The following ABCD3 variants were observed in gnomAD, a reference collection of about 807,000 sequenced individuals.
ABCD3 encodes the protein ATP binding cassette subfamily D member 3, also known as ATP-binding cassette sub-family D member 3.
A neutral mutation model predicts 105.5 loss-of-function variants in ABCD3; 41 were observed. The ratio of observed to expected loss-of-function variants is 0.39; its 90% CI spans 0.30 to 0.50. The LOEUF (loss-of-function observed/expected upper bound fraction) is 0.50. Ranked by LOEUF, ABCD3 falls within the 20% of genes least tolerant of loss-of-function variation. The pLI is 0.84. For missense variants in ABCD3, 622 were observed against 806.3 expected (o/e 0.77, Z 2.77); for synonymous variants, 258 against 269.0 (o/e 0.96, Z 0.40).
chr1:94,468,720 C>A (rs1648286455), intron 4 of ABCD3, among the ~76,000 whole-genome samples: 1 of 152,062 alleles, frequency 6.6e-6, no homozygotes, highest in African/African-American at 2.4e-5. Context: ...TCTAAAATAA[C>A]TTTTTGAATG....
rs542332088 is a variant in ABCD3, at chr1:94,474,329, T to A, written c.405+494T>A. ...ACAGTAACTTGAACTACTAATTTAC[T>A]TTAAGTTAAATTGGAATTTATGGTC... is the stretch of plus-strand genomic sequence containing the variant. On this transcript the variant is annotated intron_variant, in intron 5 of 22. Transcript: ENST00000370214. Among the ~76,000 whole-genome samples, 133 of 152,204 alleles carry A rather than the reference T, an allele frequency of 8.7e-4. 1 individual carries two copies. Among genetic ancestry groups the A allele is most frequent in the African/African-American group, 3.0e-3 (126 of 41,544 alleles).
intron 22 of ABCD3, among the ~76,000 whole-genome samples, chr1:94,516,166 G>T (rs549249166): frequency 1.4e-4 from 22 of 151,822 alleles, no homozygotes; most frequent in African/African-American, 5.3e-4. Context: ...AGAGAGCCTG[G>T]GTTCAGGCAC....
intron 1 of ABCD3, among the ~76,000 whole-genome samples, chr1:94,419,494 G>C (rs1659173589): frequency 6.6e-6 from 1 of 152,104 alleles, no homozygotes; most frequent in Admixed American, 6.5e-5. Flanking sequence ...ATTTTTATTT[G>C]CTGGACAAGT....
At chr1:94,439,312 C>G (rs956931142) in intron 1 of ABCD3, among the ~76,000 whole-genome samples, 2 of 151,924 alleles carry the variant, frequency 1.3e-5, no homozygotes, top group African/African-American at 4.8e-5. Flanking sequence ...ATGACTTGGT[C>G]TTTTGTGTAT....
chr1:94,458,524 G>T lies in ABCD3; in HGVS notation c.111-83G>T, dbSNP rs957832553. On this transcript the variant is annotated intron_variant, in intron 1 of 22. Transcript: ENST00000370214. ...AGAAGAAACGCTTTTAAATAATTTGGTATATTTGACATCTTAAAATCATCT... is the reference window on the plus strand; with the variant it reads ...AGAAGAAACGCTTTTAAATAATTTGTTATATTTGACATCTTAAAATCATCT... 11 of 1,188,070 alleles carry T rather than the reference G, an allele frequency of 9.3e-6. No homozygotes were observed. The Admixed American group carries it at 1.9e-4, about 21-fold the overall frequency. 73.6% of individuals were successfully genotyped at this position (1,188,070 alleles called of 1,614,324 possible). A position where few individuals can be genotyped will look rare whatever the true frequency, so the allele number is the denominator to read the frequency against.
chr1:94,418,583 G>T lies in ABCD3; in HGVS notation c.105G>T (p.Leu35=). 1 of 1,596,206 alleles carries T rather than the reference G, an allele frequency of 6.3e-7. No homozygotes were observed. The part of the protein sequence containing the change: ...LLHKRRRALG[L]HGKKSGKPPL... ...ACAAGCGGCGCCGCGCCCTCGGCCT[G>T]CACGGGTAAGAAGGCCCGTAGCCGT... The change falls in exon 1 of 23, where the codon CTG becomes CTT. Residue 35 remains leucine, a synonymous_variant. Transcript: ENST00000370214.
the ABCD3 span, among the ~76,000 whole-genome samples, chr1:94,389,143 C>T: frequency 6.6e-6 from 1 of 152,304 alleles, no homozygotes; most frequent in African/African-American, 2.4e-5. Context: ...GTAGTAGGCC[C>T]AGATAAAATA....
At chr1:94,388,267 C>G in the ABCD3 span, among the ~76,000 whole-genome samples, 28 of 152,174 alleles carry the variant, frequency 1.8e-4, no homozygotes, top group African/African-American at 6.5e-4. Flanking sequence ...AAACTAACGT[C>G]TACATGAACA....
intron 1 of ABCD3, chr1:94,455,786 C>T (rs1420121405): frequency 1.2e-5 from 15 of 1,242,292 alleles, no homozygotes; most frequent in South Asian, 2.5e-5. Flanking sequence ...GGAGAGCTGA[C>T]TGATCATGTG....
intron 1 of ABCD3, among the ~76,000 whole-genome samples, chr1:94,428,440 T>C (rs1405711154): frequency 1.3e-5 from 2 of 152,238 alleles, no homozygotes; most frequent in South Asian, 4.1e-4. Context: ...AGTCAACATG[T>C]TATGTTTATA....
chr1:94,399,033 C>T, the ABCD3 span, among the ~76,000 whole-genome samples: 2 of 152,102 alleles, frequency 1.3e-5, no homozygotes, highest in African/African-American at 2.4e-5. Context: ...TTTCACTCTT[C>T]GGTAGTATGT....
chr1:94,388,308 T>C, the ABCD3 span, among the ~76,000 whole-genome samples: 1 of 152,206 alleles, frequency 6.6e-6, no homozygotes, highest in Non-Finnish European at 1.5e-5. Context: ...CAAAGATATA[T>C]TGTTGCATGA....
intron 1 of ABCD3, among the ~76,000 whole-genome samples, chr1:94,425,346 A>G (rs1418584243): frequency 6.6e-6 from 1 of 152,178 alleles, no homozygotes; most frequent in Non-Finnish European, 1.5e-5. Context: ...CCTCTTTCCT[A>G]TATTTCCCTG....
chr1:94,461,592 T>C (rs367854909), intron 2 of ABCD3, among the ~76,000 whole-genome samples: 37 of 152,198 alleles, frequency 2.4e-4, no homozygotes, highest in African/African-American at 8.9e-4. Flanking sequence ...AATTTTTAGG[T>C]CACTTCATGT....
In ABCD3 at chr1:94,482,956, A is replaced by T. The variant is rs1649097040; in HGVS notation, c.828-214A>T. 14 of 552,526 alleles carry T rather than the reference A, an allele frequency of 2.5e-5. 1 individual carries two copies. The South Asian group carries it at 3.0e-4, about 12-fold the overall frequency. The allele number at this position is 552,526 out of a possible 1,614,324, so 34.2% of individuals were successfully genotyped here. A position where few individuals can be genotyped will look rare whatever the true frequency, so the allele number is the denominator to read the frequency against. The stretch of plus-strand genomic sequence containing the variant: ...CCTATGCCATAGGTTGCAGTCCAGC[A>T]TATGATTCAGTCAGGAGTGTATTCC... On this transcript the variant is annotated intron_variant, in intron 9 of 22. Transcript: ENST00000370214.
At chr1:94,487,360 C>T (rs942787341) in intron 10 of ABCD3, among the ~76,000 whole-genome samples, 182 bp from the exon 11 acceptor site, 36 of 152,042 alleles carry the variant, frequency 2.4e-4, no homozygotes, top group Non-Finnish European at 5.3e-4. Context: ...TTGGCACCCG[C>T]TCTGTGAAGA....
At chr1:94,421,673 G>T (rs1659264181) in intron 1 of ABCD3, among the ~76,000 whole-genome samples, 2 of 151,978 alleles carry the variant, frequency 1.3e-5, no homozygotes, top group African/African-American at 4.8e-5. Context: ...ATAGCAGAAT[G>T]AAATGTACAG....
intron 20 of ABCD3, among the ~76,000 whole-genome samples, chr1:94,505,562 T>C (rs1476648725): frequency 1.3e-5 from 2 of 152,094 alleles, no homozygotes; most frequent in South Asian, 4.1e-4. Flanking sequence ...GAGAGATGCA[T>C]ATTGCAAGTT....
At chr1:94,504,946 A>G (rs1650277212) in intron 20 of ABCD3, among the ~76,000 whole-genome samples, 2 of 152,134 alleles carry the variant, frequency 1.3e-5, no homozygotes, top group South Asian at 4.1e-4. Context: ...TTTTAAAAAT[A>G]GCTGTGGGAG....
Sources: gnomAD v4.1 joint callset for allele counts (sites outside exome capture counted in the v4.1 genomes callset) on GRCh38, gnomAD v4.1.1 for gene constraint, MANE v1.5 for transcripts, NCBI Gene and HGNC (gene_info 2026-07-23, HGNC 2026-07-21) for gene names.